The following RARS1 variants were observed in gnomAD, a reference collection of about 807,000 sequenced individuals.
RARS1 encodes arginyl-tRNA synthetase 1.
Under a neutral mutation model 78.7 loss-of-function variants are expected in RARS1, and 75 were observed. The observed-to-expected ratio is 0.95, with a 90% CI of 0.79 to 1.15. The LOEUF (loss-of-function observed/expected upper bound fraction) is 1.15, where lower values mean the gene tolerates loss of function less well. Among genes scored for constraint, RARS1 ranks in the 50% most tolerant of loss-of-function variants. RARS1 has a pLI of 0.00. For missense variants in RARS1, 787 were observed against 787.5 expected (o/e 1.00, Z 0.01); for synonymous variants, 273 against 268.2 (o/e 1.02, Z -0.18).
chr5:168,512,197 G>A (rs1758576119), intron 12 of RARS1, among the ~76,000 whole-genome samples: 1 of 152,140 alleles, frequency 6.6e-6, no homozygotes, highest in Admixed American at 6.5e-5. Flanking sequence ...ATATATGAAG[G>A]TGCCACATTT....
chr5:168,502,213 C>A, intron 9 of RARS1, 108 bp downstream of exon 9: 1 of 1,450,738 alleles, frequency 6.9e-7, no homozygotes, highest in Non-Finnish European at 9.1e-7. Context: ...CCAATTTCAA[C>A]AGTTATGGGT....
chr5:168,518,071 C>CTGTTTTTTTTTTTTTTTTTTT lies in RARS1; in HGVS notation c.1873+10_1873+11insGTTTTTTTTTTTTTTTTTTTT, dbSNP rs1758710097. On this transcript the variant is annotated intron_variant, in intron 14 of 14. Transcript: ENST00000231572. Reference sequence around the variant, plus strand: ...GAAAGATAGACAGACTGGTGAGTGTCTTTTTTTTTTTTTTTTTTTTTTTTA... The same window carrying CTGTTTTTTTTTTTTTTTTTTT: ...GAAAGATAGACAGACTGGTGAGTGTCTGTTTTTTTTTTTTTTTTTTTTTTTTTTTTTTTTTTTTTTTTTTTA... The CTGTTTTTTTTTTTTTTTTTTT allele has an allele frequency of 4.0e-6, 3 of 748,130 alleles. No individual in the cohort carries two copies. Among genetic ancestry groups the CTGTTTTTTTTTTTTTTTTTTT allele is most frequent in the East Asian group, 1.4e-4 (1 of 7,354 alleles). 46.3% of individuals were successfully genotyped at this position (748,130 alleles called of 1,614,324 possible). A position where few individuals can be genotyped will look rare whatever the true frequency, so the allele number is the denominator to read the frequency against.
In RARS1 at chr5:168,494,556, T is replaced by C. The variant is rs1208347280; in HGVS notation, c.485T>C (p.Ile162Thr). Residue 162 changes from isoleucine (I) to threonine (T), a missense_variant, in exon 5 of 15, where the codon ATT (isoleucine) becomes ACT (threonine). Coordinates refer to ENST00000231572, the MANE Select transcript of RARS1 (RefSeq NM_002887.4). ...TTTCTCTTCTATCCATTAGGTTTTA[T>C]TAATGTCCACTTAAGAAAGGATTTT... ...EKVEIAGPGF[I>T]NVHLRKDFVS... 19 of 1,609,560 alleles carry C rather than the reference T, an allele frequency of 1.2e-5. No individual in the cohort carries two copies. In the South Asian group the frequency reaches 1.9e-4, roughly 16 times the overall value.
At chr5:168,498,929 A>G (rs1409769133) in intron 7 of RARS1, among the ~76,000 whole-genome samples, 4 of 152,120 alleles carry the variant, frequency 2.6e-5, no homozygotes, top group Non-Finnish European at 5.9e-5. Flanking sequence ...CTGTGATCAC[A>G]CCATTGCACT....
chr5:168,488,718 A>T lies in RARS1; in HGVS notation c.162A>T (p.Arg54=), dbSNP rs755756817. The change falls in exon 2 of 15, where the codon CGA becomes CGT. Residue 54 remains arginine, a synonymous_variant. Transcript: ENST00000231572. ...AAGAAAATTTAAAATTAAAGTATCGACTGAATATTCTTCGAAAGGTGAGTA... is the reference window on the plus strand; with the variant it reads ...AAGAAAATTTAAAATTAAAGTATCGTCTGAATATTCTTCGAAAGGTGAGTA... ...LQEENLKLKY[R]LNILRKSLQA... The T allele has an allele frequency of 6.2e-7, 1 of 1,608,210 alleles. No individual in the cohort carries two copies. Among genetic ancestry groups the T allele is most frequent in the Admixed American group, 1.7e-5 (1 of 58,322 alleles).
At position 168,492,777 on chromosome 5, in the gene RARS1, T is replaced by C. The variant is rs1490041220; in HGVS notation, c.299T>C (p.Leu100Pro). 1 of 1,614,020 alleles carries C rather than the reference T, an allele frequency of 6.2e-7. No individual in the cohort carries two copies. Among genetic ancestry groups the C allele is most frequent in the Non-Finnish European group, 8.5e-7 (1 of 1,179,868 alleles). The change falls in exon 3 of 15, where the codon CTG becomes CCG. Residue 100 changes from leucine (L) to proline (P), a missense_variant. Transcript: ENST00000231572. ...AAYPDLENPP[L>P]LVTPSQQAKF... is the part of the protein sequence containing the mutation. ...TATCCAGATTTGGAAAATCCTCCTC[T>C]GCTAGTGACACCAAGTCAGCAGGCC...
chr5:168,502,221 G>A (rs1758341474), intron 9 of RARS1, 116 bp downstream of exon 9: 1 of 1,400,664 alleles, frequency 7.1e-7, no homozygotes, highest in Admixed American at 3.0e-5. Flanking sequence ...AACAGTTATG[G>A]GTACTGACCA....
At chr5:168,502,849 AT>A (rs376595437) in intron 9 of RARS1, among the ~76,000 whole-genome samples, 77 of 151,956 alleles carry the variant, frequency 5.1e-4, no homozygotes, top group Middle Eastern at 3.4e-3. Flanking sequence ...TGGATTCATG[AT>A]TTTTTTTAAC....
chr5:168,486,766 C>G (rs1757973315), intron 1 of RARS1, among the ~76,000 whole-genome samples: 1 of 152,064 alleles, frequency 6.6e-6, no homozygotes, highest in Admixed American at 6.5e-5. Context: ...GGGTCCCCAC[C>G]CTCTCCCAGG....
At chr5:168,512,766 T>C (rs1684057968) in intron 12 of RARS1, among the ~76,000 whole-genome samples, 1 of 152,212 alleles carries the variant, frequency 6.6e-6, no homozygotes, top group Non-Finnish European at 1.5e-5. Context: ...GCTGATTAGA[T>C]GCTGCCCACC....
In RARS1 at chr5:168,497,363, C is replaced by T. The variant is rs201233733; in HGVS notation, c.822+15C>T. 1,337 of 1,527,376 alleles carry T rather than the reference C, an allele frequency of 8.8e-4. 4 individuals are homozygous for T. The highest frequency in any genetic ancestry group is 8.6e-3 in the Middle Eastern group (50 of 5,784). The allele number at this position is 1,527,376 out of a possible 1,614,324, so 94.6% of individuals were successfully genotyped here. A position where few individuals can be genotyped will look rare whatever the true frequency, so the allele number is the denominator to read the frequency against. On this transcript the variant is annotated intron_variant, in intron 7 of 14. Coordinates refer to ENST00000231572, the MANE Select transcript of RARS1 (RefSeq NM_002887.4). ...TCTTTTATAAGGTTTGATACCATTTCTTTTATATTATGTGTGTGTTTACCA... is the reference window on the plus strand; with the variant it reads ...TCTTTTATAAGGTTTGATACCATTTTTTTTATATTATGTGTGTGTTTACCA...
intron 2 of RARS1, among the ~76,000 whole-genome samples, chr5:168,489,595 T>TA (rs898491890): frequency 1.3e-5 from 2 of 152,150 alleles, no homozygotes; most frequent in Non-Finnish European, 2.9e-5. Context: ...AATTTTGTTT[T>TA]AAAAAAATGA....
In RARS1 at chr5:168,500,643, A is replaced by G. The variant is rs752388364; in HGVS notation, c.875A>G (p.Gln292Arg). ...TEEEFKKRAY[Q>R]CVVLLQGKNP... ...GAGGAATTTAAGAAGCGAGCATATC[A>G]GTGTGTAGTTCTGCTCCAGGGTAAA... Residue 292 changes from glutamine (Q) to arginine (R), a missense_variant, in exon 8 of 15, where the codon CAG (glutamine) becomes CGG (arginine). Transcript: ENST00000231572. 2.9e-5 allele frequency: 46 copies of G among 1,608,658 alleles called. No individual in the cohort carries two copies. The South Asian group carries it at 3.6e-4, about 12-fold the overall frequency.
At position 168,502,063 on chromosome 5, in the gene RARS1, C is replaced by A; in HGVS notation, c.1015C>A (p.Gln339Lys). 1 of 1,604,344 alleles carries A rather than the reference C, an allele frequency of 6.2e-7. No homozygotes were observed. The highest frequency in any genetic ancestry group is 1.1e-5 in the South Asian group (1 of 89,356). ...AATAGAGAGAGGGGAATCCTTCTAT[C>A]AAGATAGGATGAATGATATTGTAAA... ...SLIERGESFY[Q>K]DRMNDIVKEF... The change falls in exon 9 of 15, where the codon CAA becomes AAA. Residue 339 changes from glutamine (Q) to lysine (K), a missense_variant. Coordinates refer to ENST00000231572, the MANE Select transcript of RARS1 (RefSeq NM_002887.4).
At chr5:168,489,363 T>A (rs1471489320) in intron 2 of RARS1, among the ~76,000 whole-genome samples, 7 of 152,182 alleles carry the variant, frequency 4.6e-5, no homozygotes, top group Admixed American at 1.3e-4. Context: ...CATGCCTTTT[T>A]TAAAAAAACA....
chr5:168,509,428 T>C (rs1345736247), intron 11 of RARS1, among the ~76,000 whole-genome samples: 8 of 109,520 alleles, frequency 7.3e-5, no homozygotes, highest in Non-Finnish European at 1.4e-4. Context: ...ATTTGAGGGA[T>C]TTTTTAAACA....
intron 12 of RARS1, among the ~76,000 whole-genome samples, chr5:168,511,739 A>G (rs1392770113): frequency 6.6e-6 from 1 of 151,554 alleles, no homozygotes; most frequent in East Asian, 1.9e-4. Context: ...ACCAATCAAG[A>G]TATATTTCCA....
intron 12 of RARS1, 75 bp from the exon 13 acceptor site, chr5:168,516,703 G>T: frequency 6.9e-7 from 1 of 1,450,482 alleles, no homozygotes; most frequent in Non-Finnish European, 9.6e-7. Flanking sequence ...CCCTACCCCA[G>T]TCTTATGCCT....
In RARS1 at chr5:168,506,226, T is replaced by C. The variant is rs1278934656; in HGVS notation, c.1236+27T>C. ...TGAGTTTGTAAATTTGTATGTGTTT[T>C]ACATTGACTGATTAGAGGTAAGACA... On this transcript the variant is annotated intron_variant, in intron 10 of 14. Coordinates refer to ENST00000231572, the MANE Select transcript of RARS1 (RefSeq NM_002887.4). 25 of 1,494,488 alleles carry C rather than the reference T, an allele frequency of 1.7e-5. No homozygotes were observed. In the Admixed American group the frequency reaches 5.0e-4, roughly 30 times the overall value. 92.6% of individuals were successfully genotyped at this position (1,494,488 alleles called of 1,614,324 possible).
Sources: gnomAD v4.1 joint callset for allele counts (sites outside exome capture counted in the v4.1 genomes callset) on GRCh38, gnomAD v4.1.1 for gene constraint, MANE v1.5 for transcripts, NCBI Gene and HGNC (gene_info 2026-07-23, HGNC 2026-07-21) for gene names.